The following SHROOM2 variants were observed in gnomAD, a reference collection of about 807,000 sequenced individuals.
The protein encoded by SHROOM2 is shroom family member 2.
SHROOM2 carries 33 observed loss-of-function variants against 75.9 expected under a neutral mutation model. The ratio of observed to expected loss-of-function variants is 0.43; its 90% CI spans 0.33 to 0.58. SHROOM2 has a LOEUF of 0.58. SHROOM2 is among the 20% of genes least tolerant of loss of function. The probability of loss-of-function intolerance (pLI) is 0.04; values close to 1 mark genes in which losing one functional copy is unlikely to be tolerated. For synonymous variants in SHROOM2, 655 were observed against 663.6 expected, an observed-to-expected ratio of 0.99 and a Z score of 0.20; for missense variants, 1,434 against 1,461.2, an observed-to-expected ratio of 0.98 and a Z score of 0.30.
intron 4 of SHROOM2, among the ~76,000 whole-genome samples, chrX:9,897,724 G>T (rs1037777176): frequency 1.0e-5 from 1 of 96,582 alleles, no homozygotes; most frequent in Non-Finnish European, 2.0e-5. Context: ...TTTAATACAA[G>T]ATACCTAATA....
chrX:9,943,123 G>A (rs1416861624), intron 8 of SHROOM2, among the ~76,000 whole-genome samples: 1 of 110,112 alleles, frequency 9.1e-6, no homozygotes, highest in African/African-American at 3.3e-5. Context: ...CTGCTTAGGA[G>A]GCTGAGGTGG....
intron 5 of SHROOM2, among the ~76,000 whole-genome samples, chrX:9,902,996 A>G (rs1288472288): frequency 1.8e-5 from 2 of 112,278 alleles, no homozygotes; most frequent in Non-Finnish European, 1.9e-5. Context: ...AATTGAATGC[A>G]TACGAAATAG....
At chrX:9,822,345 G>A (rs1193251987) in intron 1 of SHROOM2, among the ~76,000 whole-genome samples, 6 of 111,828 alleles carry the variant, frequency 5.4e-5, no homozygotes, top group African/African-American at 2.0e-4. Flanking sequence ...AGGAGCCAGG[G>A]CCTTGCTCCA....
intron 1 of SHROOM2, among the ~76,000 whole-genome samples, chrX:9,829,904 G>C (rs2083906576): frequency 9.0e-6 from 1 of 111,434 alleles, no homozygotes; most frequent in Non-Finnish European, 1.9e-5. Flanking sequence ...TCAGGTTTCA[G>C]GTTCAGTTGA....
chrX:9,792,954 C>T (rs993245167), intron 1 of SHROOM2, among the ~76,000 whole-genome samples: 2 of 111,570 alleles, frequency 1.8e-5, no homozygotes, highest in Non-Finnish European at 3.8e-5. Flanking sequence ...AAGTGAACCA[C>T]CCGCCTTGGC....
rs756400146 is a variant in SHROOM2 at position 9,949,268 on chromosome X, C to T, written c.*2331C>T. The T allele has an allele frequency of 4.4e-5, 14 of 315,591 alleles. No homozygotes were observed. Among genetic ancestry groups the T allele is most frequent in the African/African-American group, 3.2e-4 (12 of 37,165 alleles). The allele number at this position is 315,591 out of a possible 1,213,427, so 26.0% of individuals were successfully genotyped here. On this transcript the variant is annotated 3_prime_UTR_variant, in exon 10 of 10. Coordinates refer to ENST00000380913, the MANE Select transcript of SHROOM2 (RefSeq NM_001649.4). ...TGTTGTTGGGTGGCAGCTGCTCCTT[C>T]GCCCTCTTGTAGTGTGGCTGTGGAG...
At chrX:9,898,651 A>G (rs2084348512) in intron 5 of SHROOM2, among the ~76,000 whole-genome samples, 1 of 112,474 alleles carries the variant, frequency 8.9e-6, no homozygotes, top group African/African-American at 3.2e-5. Context: ...CGCCTTATGG[A>G]AGGGCAGCTT....
chrX:9,868,502 G>A (rs1026392688), intron 1 of SHROOM2, among the ~76,000 whole-genome samples: 1 of 108,685 alleles, frequency 9.2e-6, no homozygotes, highest in African/African-American at 3.3e-5. Context: ...CCTCAGCCTC[G>A]CAAAGTGCTG....
rs540476375 is a variant in SHROOM2 at position 9,900,935 on chromosome X, T to G, written c.2891+2645T>G. ...GCTGGAGCCTGCTTTGGGGAAATGCTCTCTCCTGCTGACTTGGGGCCCCTT... is the reference window on the plus strand; with the variant it reads ...GCTGGAGCCTGCTTTGGGGAAATGCGCTCTCCTGCTGACTTGGGGCCCCTT... On this transcript the variant is annotated intron_variant, in intron 5 of 9. Coordinates refer to ENST00000380913, the MANE Select transcript of SHROOM2 (RefSeq NM_001649.4). 2.6e-4 allele frequency among the ~76,000 whole-genome samples: 28 copies of G among 109,436 alleles called. No homozygotes were observed. The South Asian group carries it at 0.01, about 41-fold the overall frequency.
chrX:9,940,930 G>A (rs2084763326), intron 8 of SHROOM2, among the ~76,000 whole-genome samples: 1 of 111,711 alleles, frequency 9.0e-6, no homozygotes, highest in Non-Finnish European at 1.9e-5. Flanking sequence ...AGAAGACTAA[G>A]GACAGAGTTG....
At chrX:9,933,565 A>T (rs2084672127) in intron 6 of SHROOM2, among the ~76,000 whole-genome samples, 1 of 111,536 alleles carries the variant, frequency 9.0e-6, no homozygotes, top group Non-Finnish European at 1.9e-5. Context: ...GAGCTGAAGG[A>T]GTTCGAGGCT....
chrX:9,923,131 T>A (rs2084562572), intron 5 of SHROOM2, among the ~76,000 whole-genome samples: 1 of 111,593 alleles, frequency 9.0e-6, no homozygotes, highest in African/African-American at 3.3e-5. Context: ...AAACCTATGA[T>A]TTTATAACTT....
chrX:9,932,728 G>C lies in SHROOM2; in HGVS notation c.3445G>C (p.Glu1149Gln), dbSNP rs1389709065. The change falls in exon 6 of 10, where the codon GAA becomes CAA. Residue 1149 changes from glutamate (E) to glutamine (Q), a missense_variant. Physicochemically the swap from Glu to Gln is conservative, Grantham distance 29. Around this residue, in one of 3 missense-constraint regions of SHROOM2, gnomAD observed 1,340 missense variants for 1,338.3 expected, o/e 1.00. Transcript: ENST00000380913. The part of the protein sequence containing the change: ...VSGDASRPLP[E>Q]ALLPPKQQHL... ...CGGGGACGCATCACGTCCTCTGCCA[G>C]AAGCACTGCTCCCTCCCAAGCAGCA... The C allele has an allele frequency of 8.3e-7, 1 of 1,211,183 alleles. No homozygotes were observed. The highest frequency in any genetic ancestry group is 1.8e-5 in the South Asian group (1 of 57,041).
At chrX:9,816,580 CCTGCTGCTGCTGCTG>C (rs112480338) in intron 1 of SHROOM2, among the ~76,000 whole-genome samples, 1 of 102,515 alleles carries the variant, frequency 9.8e-6, no homozygotes, top group African/African-American at 3.6e-5. Flanking sequence ...AGCCTTACCC[CCTGCTGCTGCTGCTG>C]CTGCTGCTGC....
At position 9,792,161 on chromosome X, in the gene SHROOM2, A is replaced by AATAGAATAGAATAGAAT. The variant is rs1491434689; in HGVS notation, c.165+5451_165+5452insATAGAATAGAATAGAAT. Among the ~76,000 whole-genome samples the AATAGAATAGAATAGAAT allele has an allele frequency of 5.0e-5, 5 of 99,803 alleles. 1 individual carries two copies. The highest frequency in any genetic ancestry group is 1.0e-4 in the Non-Finnish European group (5 of 49,151). The allele number at this position is 99,803 out of a possible 115,157, so 86.7% of individuals were successfully genotyped here. A position where few individuals can be genotyped will look rare whatever the true frequency, so the allele number is the denominator to read the frequency against. On this transcript the variant is annotated intron_variant, in intron 1 of 9. Transcript: ENST00000380913. ...GAATAGAATAGAATAGAATAGAATAATCACCAGTATCTGATACAGGGAGGG... is the reference window on the plus strand; with the variant it reads ...GAATAGAATAGAATAGAATAGAATAAATAGAATAGAATAGAATTCACCAGTATCTGATACAGGGAGGG...
chrX:9,916,189 A>C (rs1255208589), intron 5 of SHROOM2, among the ~76,000 whole-genome samples: 4 of 112,369 alleles, frequency 3.6e-5, no homozygotes, highest in African/African-American at 1.3e-4. Flanking sequence ...AATCACCCTC[A>C]ATCCTATCAC....
rs768243576 is a variant in SHROOM2, at chrX:9,896,138, C to T, written c.2230C>T (p.His744Tyr). The T allele has an allele frequency of 5.8e-6, 7 of 1,205,623 alleles. No individual in the cohort carries two copies. Among genetic ancestry groups the T allele is most frequent in the Non-Finnish European group, 6.7e-6 (6 of 893,070 alleles). Residue 744 changes from histidine (H) to tyrosine (Y), a missense_variant, in exon 4 of 10, where the codon CAC becomes TAC. By Grantham distance (83) the His-to-Tyr change is moderately conservative. Around this residue, in one of 3 missense-constraint regions of SHROOM2, gnomAD observed 1,340 missense variants for 1,338.3 expected, o/e 1.00. Coordinates refer to ENST00000380913, the MANE Select transcript of SHROOM2 (RefSeq NM_001649.4). ...QPPSSTSGGPHPPRIGGRRRF... is the reference protein window; with the variant it reads ...QPPSSTSGGPYPPRIGGRRRF... ...ACCCTCATCTACAAGTGGCGGGCCCCACCCGCCCCGCATCGGAGGCCGGAG... is the reference window on the plus strand; with the variant it reads ...ACCCTCATCTACAAGTGGCGGGCCCTACCCGCCCCGCATCGGAGGCCGGAG...
At chrX:9,864,891 TA>T (rs1267628472) in intron 1 of SHROOM2, among the ~76,000 whole-genome samples, 1 of 111,400 alleles carries the variant, frequency 9.0e-6, no homozygotes, top group East Asian at 2.8e-4. Flanking sequence ...CACATGCCTG[TA>T]GTCCCACCTT....
intron 6 of SHROOM2, among the ~76,000 whole-genome samples, chrX:9,933,551 G>A (rs2084672011): frequency 1.8e-5 from 2 of 111,802 alleles, no homozygotes; most frequent in South Asian, 3.8e-4. Context: ...CAGGTGGATC[G>A]CTTGAGCTGA....
Sources: allele counts gnomAD v4.1 joint callset (sites outside exome capture counted in the v4.1 genomes callset), GRCh38; gene constraint gnomAD v4.1.1; regional missense constraint gnomAD v4.1.1; transcripts MANE v1.5; gene names NCBI Gene and HGNC (gene_info 2026-07-23, HGNC 2026-07-21).